The following HS6ST3 variants were observed in gnomAD, a reference collection of about 807,000 sequenced individuals.
HS6ST3 encodes heparan-sulfate 6-O-sulfotransferase 3.
HS6ST3 carries 12 observed loss-of-function variants against 36.7 expected under a neutral mutation model. The ratio of observed to expected loss-of-function variants is 0.33; its 90% confidence interval spans 0.21 to 0.53. The LOEUF is 0.53. HS6ST3 is among the 20% of genes least tolerant of loss of function. The pLI is 0.95. For synonymous variants in HS6ST3, 240 were observed against 257.5 expected (o/e 0.93, Z 0.65); for missense variants, 584 against 640.9 (o/e 0.91, Z 0.96).
intron 1 of HS6ST3, among the ~76,000 whole-genome samples, chr13:96,767,640 A>G (rs368305019): frequency 1.1e-4 from 16 of 152,330 alleles, no homozygotes; most frequent in African/African-American, 3.8e-4. Flanking sequence ...ATTTGACAAC[A>G]TTTCTGTTCA....
intron 1 of HS6ST3, among the ~76,000 whole-genome samples, chr13:96,598,119 TTGC>T (rs2056408530): frequency 6.6e-6 from 1 of 152,186 alleles, no homozygotes; most frequent in Non-Finnish European, 1.5e-5. Context: ...GCCTCTAGAT[TTGC>T]TCTCTTTTCT....
intron 1 of HS6ST3, among the ~76,000 whole-genome samples, chr13:96,152,099 G>T (rs1396758008): frequency 6.6e-6 from 1 of 152,114 alleles, no homozygotes; most frequent in Admixed American, 6.6e-5. Context: ...AATAATCTAT[G>T]TTGAAAATAA....
intron 1 of HS6ST3, among the ~76,000 whole-genome samples, chr13:96,119,664 A>C (rs2053915593): frequency 6.6e-6 from 1 of 152,110 alleles, no homozygotes; most frequent in Admixed American, 6.5e-5. Flanking sequence ...TGTAGAGTAT[A>C]ATTAATCTTG....
At chr13:96,611,197 C>T (rs2056456254) in intron 1 of HS6ST3, among the ~76,000 whole-genome samples, 1 of 151,000 alleles carries the variant, frequency 6.6e-6, no homozygotes, top group African/African-American at 2.4e-5. Context: ...AGGTTAGTTA[C>T]ATATGAATAC....
chr13:96,232,551 G>T (rs2054513849), intron 1 of HS6ST3, among the ~76,000 whole-genome samples: 2 of 152,088 alleles, frequency 1.3e-5, no homozygotes, highest in African/African-American at 2.4e-5. Context: ...GATCTAAATA[G>T]GTTGGTGAAG....
chr13:96,218,092 A>C (rs753404382), intron 1 of HS6ST3, among the ~76,000 whole-genome samples: 1 of 152,206 alleles, frequency 6.6e-6, no homozygotes, highest in Non-Finnish European at 1.5e-5. Flanking sequence ...TTAATTATGA[A>C]ATGACTCCTC....
At chr13:96,204,626 A>G (rs1176958568) in intron 1 of HS6ST3, among the ~76,000 whole-genome samples, 3 of 152,216 alleles carry the variant, frequency 2.0e-5, no homozygotes, top group Admixed American at 6.5e-5. Context: ...ATGCAGAGGA[A>G]CTGAAATTAC....
At chr13:96,281,378 T>G (rs886315628) in intron 1 of HS6ST3, among the ~76,000 whole-genome samples, 1 of 152,182 alleles carries the variant, frequency 6.6e-6, no homozygotes, top group Non-Finnish European at 1.5e-5. Flanking sequence ...CTCATAAATG[T>G]GAGTATTGTT....
At chr13:96,377,055 A>G (rs1030185623) in intron 1 of HS6ST3, among the ~76,000 whole-genome samples, 7 of 147,102 alleles carry the variant, frequency 4.8e-5, no homozygotes, top group African/African-American at 1.7e-4. Flanking sequence ...ATATATTATA[A>G]TATATATTTT....
chr13:96,774,526 G>A (rs916093536), intron 1 of HS6ST3, among the ~76,000 whole-genome samples: 7 of 152,086 alleles, frequency 4.6e-5, no homozygotes, highest in Middle Eastern at 3.2e-3. Context: ...CGAGAACTTC[G>A]TGAAGCATAC....
At chr13:96,677,250 C>T (rs2056701726) in intron 1 of HS6ST3, among the ~76,000 whole-genome samples, 1 of 151,862 alleles carries the variant, frequency 6.6e-6, no homozygotes, top group Non-Finnish European at 1.5e-5. Context: ...AGTTTCTCTG[C>T]CAATAAAGAT....
rs138445679 is a variant in HS6ST3 at position 96,769,037 on chromosome 13, C to T, written c.708-63453C>T. Among the ~76,000 whole-genome samples the T allele has an allele frequency of 6.0e-3, 906 of 152,156 alleles. 3 individuals are homozygous for T. The highest frequency in any genetic ancestry group is 0.017 in the Middle Eastern group (5 of 294). ...TCCATGAGCCATTTGGGGGACACTG[C>T]CCCTTGCTGAATGGCCCACATTGAA... is the stretch of plus-strand genomic sequence containing the variant. On this transcript the variant is annotated intron_variant, in intron 1 of 1. Coordinates refer to ENST00000376705, the MANE Select transcript of HS6ST3 (RefSeq NM_153456.4).
intron 1 of HS6ST3, among the ~76,000 whole-genome samples, chr13:96,585,944 C>T (rs1290197306): frequency 1.3e-5 from 2 of 152,010 alleles, no homozygotes; most frequent in Non-Finnish European, 2.9e-5. Flanking sequence ...GGATATATAC[C>T]TACAAAGTAG....
At chr13:96,219,290 A>G (rs2054443022) in intron 1 of HS6ST3, among the ~76,000 whole-genome samples, 1 of 152,206 alleles carries the variant, frequency 6.6e-6, no homozygotes, top group African/African-American at 2.4e-5. Context: ...TCGAGCTAAC[A>G]TGTATATAAC....
intron 1 of HS6ST3, among the ~76,000 whole-genome samples, chr13:96,419,780 G>C (rs2139467347): frequency 6.6e-6 from 1 of 152,180 alleles, no homozygotes; most frequent in Non-Finnish European, 1.5e-5. Context: ...TCCAGTCTCT[G>C]CCTCCATCAC....
chr13:96,539,406 A>T (rs894683605), intron 1 of HS6ST3, among the ~76,000 whole-genome samples: 1 of 151,142 alleles, frequency 6.6e-6, no homozygotes, highest in African/African-American at 2.4e-5. Flanking sequence ...CCCAGGCTGG[A>T]GTGCAGTGGT....
At chr13:96,831,917 T>C (rs1283982247) in intron 1 of HS6ST3, among the ~76,000 whole-genome samples, 2 of 121,670 alleles carry the variant, frequency 1.6e-5, no homozygotes, top group African/African-American at 6.5e-5. Flanking sequence ...ATTGTGCCAC[T>C]GCACTCCAGC....
intron 1 of HS6ST3, among the ~76,000 whole-genome samples, chr13:96,704,230 T>G (rs1875362101): frequency 6.6e-6 from 1 of 152,174 alleles, no homozygotes; most frequent in African/African-American, 2.4e-5. Context: ...TGGCTAACTT[T>G]AAGGAGATCA....
intron 1 of HS6ST3, among the ~76,000 whole-genome samples, chr13:96,262,814 C>T (rs549461990): frequency 7.2e-5 from 11 of 152,002 alleles, no homozygotes; most frequent in African/African-American, 2.2e-4. Flanking sequence ...TTATCAGATA[C>T]GAGTATAGAA....
Sources: gnomAD v4.1 joint callset for allele counts (sites outside exome capture counted in the v4.1 genomes callset) on GRCh38, gnomAD v4.1.1 for gene constraint, MANE v1.5 for transcripts, NCBI Gene and HGNC (gene_info 2026-07-23, HGNC 2026-07-21) for gene names.